Variants in IL16 observed in about 807,000 individuals in gnomAD.
The protein encoded by IL16 is pro-interleukin-16.
IL16 carries 67 observed loss-of-function variants against 110.1 expected under a neutral mutation model. The ratio of observed to expected loss-of-function variants is 0.61; its 90% CI spans 0.50 to 0.75. The LOEUF (loss-of-function observed/expected upper bound fraction) is 0.75. Ranked by LOEUF, IL16 falls within the 30% of genes least tolerant of loss-of-function variation. The pLI is 0.00. For missense variants in IL16, 1,545 were observed against 1,655.0 expected, an observed-to-expected ratio of 0.93 and a Z score of 1.15; for synonymous variants, 689 against 662.9, an observed-to-expected ratio of 1.04 and a Z score of -0.61.
Position 81,306,030 on chromosome 15 carries a change from C to A in IL16, c.3543C>A (p.Ile1181=). ...KGTTHHDALA[I]LRQAREPRQA... ...CCACGCACCATGATGCCTTGGCCATCCTCCGCCAAGCTCGAGAGCCCAGGC... is the reference window on the plus strand; with the variant it reads ...CCACGCACCATGATGCCTTGGCCATACTCCGCCAAGCTCGAGAGCCCAGGC... The change falls in exon 17 of 19, where the codon ATC becomes ATA. Residue 1181 remains isoleucine (I), a synonymous_variant. Coordinates refer to ENST00000683961, the MANE Select transcript of IL16 (RefSeq NM_172217.5). 1.9e-6 allele frequency: 3 copies of A among 1,614,236 alleles called. 1 individual carries two copies. The South Asian group carries it at 3.3e-5, about 18-fold the overall frequency.
chr15:81,273,328 T>C (rs1898733909), intron 6 of IL16, 124 bp downstream of exon 6: 2 of 629,484 alleles, frequency 3.2e-6, no homozygotes, highest in Non-Finnish European at 2.7e-6. Flanking sequence ...ACGGCCAGCA[T>C]GCATCCTGGG....
At chr15:81,190,116 C>CACACCCTTG (rs1342363527) in intron 1 of IL16, among the ~76,000 whole-genome samples, 1 of 152,222 alleles carries the variant, frequency 6.6e-6, no homozygotes, top group African/African-American at 2.4e-5. Context: ...CAACTGCCTC[C>CACACCCTTG]ACACCCTTGT....
intron 18 of IL16, chr15:81,306,999 C>G (rs1225086783): frequency 3.9e-6 from 1 of 254,868 alleles, no homozygotes; most frequent in East Asian, 1.1e-4. Context: ...CACACTTGGC[C>G]TCATTTGCCT....
chr15:81,242,406 T>A (rs569695069), intron 2 of IL16, among the ~76,000 whole-genome samples: 2 of 152,198 alleles, frequency 1.3e-5, no homozygotes, highest in Non-Finnish European at 2.9e-5. Context: ...CATCTTTCAT[T>A]TCTCTCATTA....
intron 10 of IL16, 42 bp downstream of exon 10, chr15:81,285,872 G>A (rs377649695): frequency 8.5e-5 from 137 of 1,602,780 alleles, no homozygotes; most frequent in Middle Eastern, 8.3e-4. Context: ...AGGCTCACTC[G>A]TTCAGTACCA....
Position 81,308,898 on chromosome 15 carries a change from G to A in IL16, c.*100G>A. The A allele has an allele frequency of 9.3e-7, 1 of 1,077,322 alleles. No individual in the cohort carries two copies. The highest frequency in any genetic ancestry group is 3.1e-4 in the Middle Eastern group (1 of 3,180). 66.7% of individuals were successfully genotyped at this position (1,077,322 alleles called of 1,614,324 possible). On this transcript the variant is annotated 3_prime_UTR_variant, in exon 19 of 19. Transcript: ENST00000683961. The stretch of plus-strand genomic sequence containing the variant: ...TCTGCTGCCGCCCCACCCAGATGGG[G>A]GAAAGCACAGGTGGGCTTCCCAGTG...
intron 13 of IL16, among the ~76,000 whole-genome samples, chr15:81,298,460 T>C (rs1007876222): frequency 6.6e-6 from 1 of 152,170 alleles, no homozygotes; most frequent in African/African-American, 2.4e-5. Flanking sequence ...TGAGAAAGAC[T>C]CCTATGTGCT....
At chr15:81,205,536 C>A (rs893983897) in intron 1 of IL16, among the ~76,000 whole-genome samples, 1 of 151,600 alleles carries the variant, frequency 6.6e-6, no homozygotes, top group East Asian at 1.9e-4. Flanking sequence ...ACCTATGATT[C>A]ATTAAGAAGG....
At chr15:81,281,661 A>C (rs1297796472) in intron 8 of IL16, among the ~76,000 whole-genome samples, 2 of 152,228 alleles carry the variant, frequency 1.3e-5, no homozygotes, top group Non-Finnish European at 2.9e-5. Flanking sequence ...TCTTACCCTC[A>C]TAATCCTGGG....
chr15:81,296,867 C>G, intron 12 of IL16, 61 bp from the exon 13 acceptor site: 1 of 1,465,926 alleles, frequency 6.8e-7, no homozygotes, highest in Non-Finnish European at 9.2e-7. Context: ...AAGCGTGTCT[C>G]GCCTTCTCAC....
chr15:81,257,856 T>C (rs1898003358), intron 2 of IL16, among the ~76,000 whole-genome samples: 1 of 152,198 alleles, frequency 6.6e-6, no homozygotes. Flanking sequence ...AGAAAGCATT[T>C]AAGCCATCTA....
At chr15:81,287,318 A>G (rs1899496570) in intron 10 of IL16, among the ~76,000 whole-genome samples, 1 of 152,258 alleles carries the variant, frequency 6.6e-6, no homozygotes, top group Non-Finnish European at 1.5e-5. Flanking sequence ...ACTGTGGGAC[A>G]TAGTGAGGTG....
intron 4 of IL16, among the ~76,000 whole-genome samples, chr15:81,266,480 A>G (rs1898387048): frequency 1.3e-5 from 2 of 152,214 alleles, no homozygotes; most frequent in African/African-American, 4.8e-5. Context: ...TACAGGTGTC[A>G]GCTTGCAGGC....
rs758408398 is a variant in IL16, at chr15:81,292,872, G to A, written c.1737G>A (p.Leu579=). Residue 579 remains leucine (L), a synonymous_variant, in exon 12 of 19, where the codon CTG becomes CTA. Transcript: ENST00000683961. ...AGAGCCGGGACAGCCACCCGCCGCT[G>A]AGACTGAAGAAATCCTTTGAGATTT... ...LPESRDSHPP[L]RLKKSFEILV... 1 of 1,614,186 alleles carries A rather than the reference G, an allele frequency of 6.2e-7. No homozygotes were observed. Among genetic ancestry groups the A allele is most frequent in the African/African-American group, 1.3e-5 (1 of 75,052 alleles).
intron 2 of IL16, among the ~76,000 whole-genome samples, chr15:81,247,318 G>C (rs2142129059): frequency 6.6e-6 from 1 of 151,676 alleles, no homozygotes; most frequent in South Asian, 2.1e-4. Context: ...TGTAAGCACT[G>C]TTTTATCTTT....
At chr15:81,279,314 T>G (rs1442970679) in intron 7 of IL16, among the ~76,000 whole-genome samples, 1 of 152,204 alleles carries the variant, frequency 6.6e-6, no homozygotes, top group African/African-American at 2.4e-5. Flanking sequence ...CATCTATTCA[T>G]CCATCTATCT....
chr15:81,273,172 G>A lies in IL16; in HGVS notation c.758G>A (p.Gly253Glu), dbSNP rs767163027. 1.7e-5 allele frequency: 27 copies of A among 1,613,428 alleles called. No individual in the cohort carries two copies. Among genetic ancestry groups the A allele is most frequent in the Non-Finnish European group, 2.2e-5 (26 of 1,179,592 alleles). The stretch of plus-strand genomic sequence containing the variant: ...TACGTCAAAACCATTTTTGCAGGGG[G>A]AGCAGCAGCAGCCGATGGAAGGCTA... ...GIYVKTIFAG[G>E]AAAADGRLQE... The change falls in exon 6 of 19, where the codon GGA becomes GAA. Residue 253 changes from glycine (G) to glutamate (E), a missense_variant. Around this residue, in one of 3 missense-constraint regions of IL16, gnomAD observed 1,185 missense variants for 1,238.8 expected, o/e 0.96. Transcript: ENST00000683961.
intron 10 of IL16, among the ~76,000 whole-genome samples, chr15:81,288,414 G>A (rs1027163270): frequency 6.6e-6 from 1 of 152,170 alleles, no homozygotes; most frequent in Non-Finnish European, 1.5e-5. Context: ...GCATTGTGCC[G>A]CAGACTTTAA....
intron 1 of IL16, among the ~76,000 whole-genome samples, chr15:81,219,021 A>G (rs1351735852): frequency 6.6e-6 from 1 of 151,856 alleles, no homozygotes; most frequent in Non-Finnish European, 1.5e-5. Flanking sequence ...GGTCGTTAGC[A>G]TTGTTACCTC....
Sources: allele counts gnomAD v4.1 joint callset (sites outside exome capture counted in the v4.1 genomes callset), GRCh38; gene constraint gnomAD v4.1.1; regional missense constraint gnomAD v4.1.1; transcripts MANE v1.5; gene names NCBI Gene and HGNC (gene_info 2026-07-23, HGNC 2026-07-21).